UBXN6: variants seen among roughly 807,000 people sequenced by gnomAD.
UBXN6 encodes UBX domain protein 6.
In UBXN6, 44 loss-of-function variants were observed where a neutral mutation model predicts 51.4. The observed-to-expected ratio is 0.86, with a 90% confidence interval of 0.67 to 1.10. The LOEUF (loss-of-function observed/expected upper bound fraction) is 1.10, where lower values mean the gene tolerates loss of function less well. Among genes scored for constraint, UBXN6 ranks in the 50% least tolerant of loss-of-function variants. The pLI, the probability that UBXN6 is intolerant of heterozygous loss-of-function variation, is 0.00. For synonymous variants in UBXN6, 316 were observed against 263.2 expected, an observed-to-expected ratio of 1.20 and a Z score of -1.94; for missense variants, 672 against 596.1, an observed-to-expected ratio of 1.13 and a Z score of -1.32.
Position 4,446,821 on chromosome 19 carries a change from G to A in UBXN6, c.700+15C>T, listed in dbSNP as rs764519921. The A allele has an allele frequency of 4.4e-5, 71 of 1,614,002 alleles. 1 individual carries two copies. In the South Asian group the frequency reaches 7.5e-4, roughly 17 times the overall value. ...TCGTCCCCATTCCCTACTCAGCCAG[G>A]CCCTGTCCACTTACCCTGATCCTGG... On this transcript the variant is annotated intron_variant, in intron 7 of 10. Coordinates refer to ENST00000301281, the MANE Select transcript of UBXN6 (RefSeq NM_025241.3).
rs146963914 is a variant in UBXN6, at chr19:4,454,049, G to A, written c.128C>T (p.Pro43Leu). The A allele has an allele frequency of 3.0e-4, 471 of 1,584,448 alleles. No homozygotes were observed. The highest frequency in any genetic ancestry group is 6.3e-4 in the Admixed American group (34 of 54,282). ...KEKPNQPAPRPPRQGPTNEAQ... is the reference protein window; with the variant it reads ...KEKPNQPAPRLPRQGPTNEAQ... The stretch of plus-strand genomic sequence containing the variant: ...CTCATTGGTGGGTCCCTGGCGGGGC[G>A]GCCTGGGGGCTGGCTGGTTGGGCTT... Residue 43 changes from proline to leucine, a missense_variant, in exon 2 of 11, where the codon CCG becomes CTG. Transcript: ENST00000301281.
intron 5 of UBXN6, 147 bp from the exon 6 acceptor site, chr19:4,447,772 C>T (rs938218593): frequency 5.2e-6 from 4 of 764,554 alleles, no homozygotes; most frequent in African/African-American, 5.1e-5. Context: ...GGGCAGCAGA[C>T]CATCTCCGGG....
chr19:4,454,081 G>T lies in UBXN6; in HGVS notation c.96C>A (p.His32Gln). Residue 32 changes from histidine (H) to glutamine (Q), a missense_variant, in exon 2 of 11, where the codon CAC (histidine) becomes CAA (glutamine). Physicochemically the swap from His to Gln is conservative, Grantham distance 24. Transcript: ENST00000301281. ...GGGCTGGCTGGTTGGGCTTCTCTTT[G>T]TGGGCCTTTTCCCTGGGAACAGACC... ...KLKESVGEKA[H>Q]KEKPNQPAPR... 1.3e-6 allele frequency: 2 copies of T among 1,561,164 alleles called. No homozygotes were observed. Among genetic ancestry groups the T allele is most frequent in the Non-Finnish European group, 8.6e-7 (1 of 1,158,112 alleles).
intron 4 of UBXN6, 73 bp from the exon 5 acceptor site, chr19:4,448,488 A>G (rs886898063): frequency 2.0e-5 from 25 of 1,247,190 alleles, no homozygotes; most frequent in East Asian, 5.1e-5. Context: ...CCCAGGTAAC[A>G]GGGGCAGGAA....
At chr19:4,445,952 G>A (rs533707283) in intron 10 of UBXN6, 97 bp downstream of exon 10, 19 of 1,498,914 alleles carry the variant, frequency 1.3e-5, no homozygotes, top group African/African-American at 1.1e-4. Context: ...CCCCTGCTCT[G>A]AGAACAAGGA....
At chr19:4,447,790 C>T in intron 5 of UBXN6, 165 bp from the exon 6 acceptor site, 1 of 681,990 alleles carries the variant, frequency 1.5e-6, no homozygotes, top group Non-Finnish European at 2.6e-6. Context: ...GGGTGGAAGG[C>T]ACACCTCGGA....
rs780583507 is a variant in UBXN6 at position 4,445,452 on chromosome 19, G to A, written c.*46C>T. 1.2e-6 allele frequency: 2 copies of A among 1,611,158 alleles called. No homozygotes were observed. Among genetic ancestry groups the A allele is most frequent in the Non-Finnish European group, 1.7e-6 (2 of 1,178,392 alleles). On this transcript the variant is annotated 3_prime_UTR_variant, in exon 11 of 11. Transcript: ENST00000301281. ...GGGGTGGCGGGGAGAGGAACAGGGA[G>A]AGCATGAGACAGACCCACAGGGCTG...
chr19:4,453,499 C>T lies in UBXN6; in HGVS notation c.271G>A (p.Ala91Thr). The T allele has an allele frequency of 6.2e-7, 1 of 1,613,860 alleles. No homozygotes were observed. The highest frequency in any genetic ancestry group is 8.5e-7 in the Non-Finnish European group (1 of 1,179,930). The stretch of plus-strand genomic sequence containing the variant: ...GCCTCGGGGCTCCCGCTGACGGTGG[C>T]TTCGGCTTGAAGTTCCTTTCTCACT... ...NQVRKELQAE[A>T]TVSGSPEAPG... Residue 91 changes from alanine to threonine, a missense_variant, in exon 3 of 11, where the codon GCC becomes ACC. Coordinates refer to ENST00000301281, the MANE Select transcript of UBXN6 (RefSeq NM_025241.3).
chr19:4,453,344 A>G, intron 3 of UBXN6, 114 bp downstream of exon 3: 3 of 1,225,604 alleles, frequency 2.4e-6, no homozygotes, highest in Non-Finnish European at 3.4e-6. Context: ...CTTGCAAGGC[A>G]AGGTTTTCCA....
rs1599683907 is a variant in UBXN6 at position 4,457,630 on chromosome 19, A to C, written c.68T>G (p.Leu23Arg). 2 of 1,595,970 alleles carry C rather than the reference A, an allele frequency of 1.3e-6. No homozygotes were observed. The highest frequency in any genetic ancestry group is 1.7e-5 in the Admixed American group (1 of 58,948). The change falls in exon 1 of 11, where the codon CTC (leucine) becomes CGC (arginine). Residue 23 changes from leucine to arginine, a missense_variant. Physicochemically the swap from Leu to Arg is moderately radical, Grantham distance 102 (BLOSUM62 -2). Coordinates refer to ENST00000301281, the MANE Select transcript of UBXN6 (RefSeq NM_025241.3). Reference protein sequence around the residue: ...KFKSAGPGQKLKESVGEKAHK... With the variant: ...KFKSAGPGQKRKESVGEKAHK... ...CCTCACGCACCCCACGGACTCTTTGAGCTTCTGACCGGGTCCCGCGCTCTT... is the reference window on the plus strand; with the variant it reads ...CCTCACGCACCCCACGGACTCTTTGCGCTTCTGACCGGGTCCCGCGCTCTT...
Position 4,445,242 on chromosome 19 carries a change from C to T in UBXN6, c.*256G>A, listed in dbSNP as rs1974480602. ...GCAGCTTCATGACACAGTTACCAAG[C>T]AGCTAGGGAGGGCTTAGATTTGTTG... On this transcript the variant is annotated 3_prime_UTR_variant, in exon 11 of 11. Transcript: ENST00000301281. 6.2e-6 allele frequency: 3 copies of T among 487,062 alleles called. No individual in the cohort carries two copies. Among genetic ancestry groups the T allele is most frequent in the African/African-American group, 2.0e-5 (1 of 50,754 alleles). 30.2% of individuals were successfully genotyped at this position (487,062 alleles called of 1,614,324 possible). A position where few individuals can be genotyped will look rare whatever the true frequency, so the allele number is the denominator to read the frequency against.
At chr19:4,447,693 G>T in intron 5 of UBXN6, 68 bp from the exon 6 acceptor site, 1 of 1,518,064 alleles carries the variant, frequency 6.6e-7, no homozygotes, top group Non-Finnish European at 9.1e-7. Context: ...TGTGCCTCCT[G>T]CTCCAGGTAA....
At chr19:4,450,786 A>AAAAAAAG (rs1974640527) in intron 4 of UBXN6, 1 of 139,778 alleles carries the variant, frequency 7.2e-6, no homozygotes, top group Non-Finnish European at 1.5e-5. Context: ...AAAAAAAAAA[A>AAAAAAAG]GAGTGCCTAC....
chr19:4,457,661 T>G lies in UBXN6; in HGVS notation c.37A>C (p.Lys13Gln). ...TGACCGGGTCCCGCGCTCTTGAACTTGATGTCGGCCTTGAACTCCTGAAAG... is the reference window on the plus strand; with the variant it reads ...TGACCGGGTCCCGCGCTCTTGAACTGGATGTCGGCCTTGAACTCCTGAAAG... ...KFFQEFKADI[K>Q]FKSAGPGQKL... The change falls in exon 1 of 11, where the codon AAG (lysine) becomes CAG (glutamine). Residue 13 changes from lysine (K) to glutamine (Q), a missense_variant. Lys to Gln is a moderately conservative substitution (Grantham distance 53, BLOSUM62 1). Coordinates refer to ENST00000301281, the MANE Select transcript of UBXN6 (RefSeq NM_025241.3). The G allele has an allele frequency of 1.3e-6, 2 of 1,599,894 alleles. No homozygotes were observed. Among genetic ancestry groups the G allele is most frequent in the African/African-American group, 1.4e-5 (1 of 73,148 alleles).
At position 4,446,624 on chromosome 19, in the gene UBXN6, C is replaced by T. The variant is rs141014666; in HGVS notation, c.796G>A (p.Val266Met). 1.4e-3 allele frequency: 2,180 copies of T among 1,612,480 alleles called. 15 individuals are homozygous for T. In the Middle Eastern group the frequency reaches 0.035, roughly 26 times the overall value. ...HKEQLLAAEP[V>M]RAKLDRQRRV... Reference sequence around the variant, plus strand: ...CGCTGCCTGTCCAGCTTGGCGCGCACGGGCTCCGCAGCCAGCAGCTGTTCC... The same window carrying T: ...CGCTGCCTGTCCAGCTTGGCGCGCATGGGCTCCGCAGCCAGCAGCTGTTCC... The change falls in exon 8 of 11, where the codon GTG becomes ATG. Residue 266 changes from valine to methionine, a missense_variant. Coordinates refer to ENST00000301281, the MANE Select transcript of UBXN6 (RefSeq NM_025241.3).
rs1156532606 is a variant in UBXN6 at position 4,454,024 on chromosome 19, C to G, written c.153G>C (p.Glu51Asp). Residue 51 changes from glutamate (E) to aspartate (D), a missense_variant, in exon 2 of 11, where the codon GAG becomes GAC. Coordinates refer to ENST00000301281, the MANE Select transcript of UBXN6 (RefSeq NM_025241.3). ...PRPPRQGPTNEAQMAAAAALA... is the reference protein window; with the variant it reads ...PRPPRQGPTNDAQMAAAAALA... ...GGGCGGCAGCGGCTGCCATCTGTGC[C>G]TCATTGGTGGGTCCCTGGCGGGGCG... 1 of 1,603,518 alleles carries G rather than the reference C, an allele frequency of 6.2e-7. No homozygotes were observed. The highest frequency in any genetic ancestry group is 1.7e-5 in the Admixed American group (1 of 57,736).
intron 3 of UBXN6, 139 bp from the exon 4 acceptor site, chr19:4,452,631 G>A (rs1363531282): frequency 1.6e-6 from 2 of 1,236,354 alleles, no homozygotes; most frequent in Non-Finnish European, 2.2e-6. Flanking sequence ...GGTGGCCGTG[G>A]GAGACACCCT....
intron 3 of UBXN6, 78 bp downstream of exon 3, chr19:4,453,380 G>C: frequency 2.0e-6 from 3 of 1,509,852 alleles, no homozygotes; most frequent in South Asian, 2.3e-5. Context: ...CAAGGGCAGA[G>C]GCCACATCTC....
At chr19:4,451,960 C>T (rs1974660511) in intron 4 of UBXN6, among the ~76,000 whole-genome samples, 1 of 151,210 alleles carries the variant, frequency 6.6e-6, no homozygotes, top group African/African-American at 2.4e-5. Context: ...ACCAGCCTGG[C>T]CAACATGGTG....
Sources: allele counts gnomAD v4.1 joint callset (sites outside exome capture counted in the v4.1 genomes callset), GRCh38; gene constraint gnomAD v4.1.1; transcripts MANE v1.5; gene names NCBI Gene and HGNC (gene_info 2026-07-23, HGNC 2026-07-21).